The following THSD7B variants were observed in gnomAD, a reference collection of about 807,000 sequenced individuals.
The protein encoded by THSD7B is thrombospondin type 1 domain containing 7B.
A neutral mutation model predicts 213.6 loss-of-function variants in THSD7B; 138 were observed. That is an observed-to-expected ratio of 0.65 (90% CI 0.56 to 0.74). The LOEUF (loss-of-function observed/expected upper bound fraction) is 0.74, where lower values mean the gene tolerates loss of function less well. Ranked by LOEUF, THSD7B falls within the 30% of genes least tolerant of loss-of-function variation. The probability of loss-of-function intolerance (pLI) is 0.00; values close to 1 mark genes in which losing one functional copy is unlikely to be tolerated. For synonymous variants in THSD7B, 742 were observed against 687.0 expected (o/e 1.08, Z -1.25); for missense variants, 1,931 against 1,991.5 (o/e 0.97, Z 0.58).
intron 3 of THSD7B, among the ~76,000 whole-genome samples, chr2:137,070,708 C>A (rs1687466995): frequency 6.6e-6 from 1 of 152,002 alleles, no homozygotes; most frequent in Admixed American, 6.6e-5. Context: ...GCTATCCCTC[C>A]CCCTGTCCCC....
At chr2:137,258,340 A>G (rs1159586050) in intron 10 of THSD7B, among the ~76,000 whole-genome samples, 2 of 152,088 alleles carry the variant, frequency 1.3e-5, no homozygotes, top group African/African-American at 4.8e-5. Context: ...TAGAAATCCA[A>G]TTCTGTGTGT....
At chr2:137,578,527 AT>A (rs1681510239) in intron 17 of THSD7B, among the ~76,000 whole-genome samples, 1 of 152,212 alleles carries the variant, frequency 6.6e-6, no homozygotes, top group African/African-American at 2.4e-5. Context: ...GGAGGGCTAA[AT>A]TTACCTTAAA....
At chr2:136,868,532 G>A (rs1683381817) in intron 1 of THSD7B, among the ~76,000 whole-genome samples, 1 of 152,154 alleles carries the variant, frequency 6.6e-6, no homozygotes, top group Non-Finnish European at 1.5e-5. Flanking sequence ...TTAATCAAGA[G>A]AATGCAAAGC....
chr2:137,403,572 A>G (rs1686424371), intron 12 of THSD7B, among the ~76,000 whole-genome samples: 1 of 152,246 alleles, frequency 6.6e-6, no homozygotes, highest in Non-Finnish European at 1.5e-5. Flanking sequence ...ATTAACATAC[A>G]GCGTGTCTAA....
chr2:136,958,775 G>C (rs16837675), intron 2 of THSD7B, among the ~76,000 whole-genome samples: 19,620 of 152,140 alleles, frequency 0.13, 1,717 homozygotes, highest in East Asian at 0.42. Context: ...AAGCTTATTA[G>C]ATCTGTCCCA....
chr2:137,616,378 G>T lies in THSD7B; in HGVS notation c.3565+62G>T, dbSNP rs1351203727. 3 of 1,495,206 alleles carry T rather than the reference G, an allele frequency of 2.0e-6. No individual in the cohort carries two copies. The Admixed American group carries it at 5.5e-5, about 27-fold the overall frequency. The allele number at this position is 1,495,206 out of a possible 1,614,324, so 92.6% of individuals were successfully genotyped here. A position where few individuals can be genotyped will look rare whatever the true frequency, so the allele number is the denominator to read the frequency against. Reference sequence around the variant, plus strand: ...AACATTGACTAATGAGAGAATTTTTGCGTGGGTTTTCATTCTCAAGATTAA... The same window carrying T: ...AACATTGACTAATGAGAGAATTTTTTCGTGGGTTTTCATTCTCAAGATTAA... On this transcript the variant is annotated intron_variant, in intron 18 of 27. Coordinates refer to ENST00000409968, the MANE Select transcript of THSD7B (RefSeq NM_001316349.2).
intron 12 of THSD7B, among the ~76,000 whole-genome samples, chr2:137,388,136 G>A (rs887671300): frequency 3.9e-5 from 6 of 152,140 alleles, no homozygotes; most frequent in Non-Finnish European, 8.8e-5. Flanking sequence ...GATGATAGTA[G>A]ATGCTTTTTT....
intron 2 of THSD7B, among the ~76,000 whole-genome samples, chr2:136,984,406 G>GTTTAAAATTTGAGTTATT: frequency 6.6e-6 from 1 of 152,308 alleles, no homozygotes; most frequent in South Asian, 2.1e-4. Flanking sequence ...GTTATTTTGT[G>GTTTAAAATTTGAGTTATT]TGAGATCTGA....
chr2:137,423,465 C>T (rs76025020), intron 14 of THSD7B, among the ~76,000 whole-genome samples: 14 of 151,928 alleles, frequency 9.2e-5, no homozygotes, highest in East Asian at 7.7e-4. Flanking sequence ...GATCAATGGT[C>T]GCAAAGCAGT....
At chr2:137,034,794 A>G (rs890738041) in intron 2 of THSD7B, among the ~76,000 whole-genome samples, 1 of 152,320 alleles carries the variant, frequency 6.6e-6, no homozygotes, top group Middle Eastern at 3.4e-3. Context: ...GCTGCATAGT[A>G]TTCCATGGTG....
chr2:137,436,399 G>GA (rs1320771401), intron 14 of THSD7B, among the ~76,000 whole-genome samples: 2 of 152,150 alleles, frequency 1.3e-5, no homozygotes, highest in Non-Finnish European at 2.9e-5. Context: ...ATTTGCACGA[G>GA]AATGCACAGC....
At chr2:137,165,958 A>G (rs575301452) in intron 6 of THSD7B, among the ~76,000 whole-genome samples, 2 of 152,316 alleles carry the variant, frequency 1.3e-5, no homozygotes, top group African/African-American at 4.8e-5. Context: ...ACATTAAGAA[A>G]AAAAGTAGAA....
intron 12 of THSD7B, among the ~76,000 whole-genome samples, chr2:137,386,571 G>T (rs1455795433): frequency 6.6e-6 from 1 of 152,112 alleles, no homozygotes; most frequent in African/African-American, 2.4e-5. Flanking sequence ...TTGAACTCTG[G>T]TCGGAATCAA....
At chr2:137,535,399 G>C (rs888997807) in intron 15 of THSD7B, among the ~76,000 whole-genome samples, 1 of 151,656 alleles carries the variant, frequency 6.6e-6, no homozygotes, top group Non-Finnish European at 1.5e-5. Context: ...GAATAAATTG[G>C]ATTACACGGA....
chr2:136,959,546 A>T (rs911105988), intron 2 of THSD7B, among the ~76,000 whole-genome samples: 13 of 152,178 alleles, frequency 8.5e-5, no homozygotes, highest in African/African-American at 3.1e-4. Flanking sequence ...TCATTTCATA[A>T]AGTTTTTCAA....
intron 15 of THSD7B, among the ~76,000 whole-genome samples, chr2:137,534,644 A>C (rs1680468385): frequency 6.6e-6 from 1 of 151,792 alleles, no homozygotes; most frequent in Non-Finnish European, 1.5e-5. Flanking sequence ...TAAAATATAT[A>C]CTATCAATAT....
At chr2:137,070,542 A>C (rs1687461375) in intron 3 of THSD7B, among the ~76,000 whole-genome samples, 1 of 150,140 alleles carries the variant, frequency 6.7e-6, no homozygotes, top group African/African-American at 2.5e-5. Flanking sequence ...CTCTTTTTTA[A>C]AATTTTTTAT....
intron 4 of THSD7B, among the ~76,000 whole-genome samples, chr2:137,101,651 C>T (rs1306906921): frequency 3.9e-5 from 6 of 152,168 alleles, no homozygotes; most frequent in Non-Finnish European, 7.3e-5. Flanking sequence ...TTGAAATTCT[C>T]GCTGCCAGCA....
At chr2:137,539,684 C>T (rs1392757398) in intron 15 of THSD7B, among the ~76,000 whole-genome samples, 1 of 151,596 alleles carries the variant, frequency 6.6e-6, no homozygotes, top group Non-Finnish European at 1.5e-5. Flanking sequence ...GAGATGAATA[C>T]TTAGAGTCCT....
Sources: allele counts gnomAD v4.1 joint callset (sites outside exome capture counted in the v4.1 genomes callset), GRCh38; gene constraint gnomAD v4.1.1; transcripts MANE v1.5; gene names NCBI Gene and HGNC (gene_info 2026-07-23, HGNC 2026-07-21).